BBOX1: variants seen among roughly 807,000 people sequenced by gnomAD.
BBOX1 encodes gamma-butyrobetaine dioxygenase.
Under a neutral mutation model 41.6 loss-of-function variants are expected in BBOX1, and 35 were observed. The ratio of observed to expected loss-of-function variants is 0.84; its 90% confidence interval spans 0.64 to 1.11. BBOX1 has a LOEUF of 1.11. BBOX1 is among the 50% of genes most tolerant of loss of function. The probability of loss-of-function intolerance (pLI) is 0.00; values close to 1 mark genes in which losing one functional copy is unlikely to be tolerated. For missense variants in BBOX1, 458 were observed against 460.6 expected (o/e 0.99, Z 0.05); for synonymous variants, 163 against 154.7 (o/e 1.05, Z -0.40).
chr11:27,126,876 A>G (rs1049736394), intron 8 of BBOX1, among the ~76,000 whole-genome samples: 3 of 152,096 alleles, frequency 2.0e-5, no homozygotes, highest in Admixed American at 6.5e-5. Flanking sequence ...GGGTTTCACC[A>G]TGTTAGCCAG....
At chr11:27,077,152 A>C (rs191756641) in intron 4 of BBOX1, among the ~76,000 whole-genome samples, 46 of 152,070 alleles carry the variant, frequency 3.0e-4, no homozygotes, top group African/African-American at 1.0e-3. Context: ...GCCTCTCTCA[A>C]CCTGTGACTG....
chr11:27,067,641 A>C (rs564636749), intron 4 of BBOX1, among the ~76,000 whole-genome samples: 1 of 69,082 alleles, frequency 1.4e-5, no homozygotes, highest in East Asian at 6.2e-4. Flanking sequence ...GAGACAGGAG[A>C]ATTGCTTGAA....
At chr11:27,049,082 A>AT (rs1055251887) in intron 2 of BBOX1, among the ~76,000 whole-genome samples, 2 of 151,632 alleles carry the variant, frequency 1.3e-5, no homozygotes, top group Non-Finnish European at 2.9e-5. Flanking sequence ...TGAACTCATC[A>AT]TTTTTTATGG....
intron 5 of BBOX1, among the ~76,000 whole-genome samples, chr11:27,108,816 C>A (rs1858953866): frequency 6.6e-6 from 1 of 152,002 alleles, no homozygotes; most frequent in African/African-American, 2.4e-5. Flanking sequence ...GTGAGAAACT[C>A]TTTTTCTCAT....
chr11:27,052,315 C>T (rs1851696253), intron 2 of BBOX1, among the ~76,000 whole-genome samples: 1 of 152,074 alleles, frequency 6.6e-6, no homozygotes, highest in South Asian at 2.1e-4. Context: ...TTTTAGACTA[C>T]ATTTTTACAA....
At chr11:27,045,871 A>T (rs1049917923) in intron 2 of BBOX1, among the ~76,000 whole-genome samples, 11 of 152,308 alleles carry the variant, frequency 7.2e-5, no homozygotes, top group South Asian at 4.1e-4. Context: ...ATAACTATAA[A>T]GTTTCTGCAT....
chr11:27,079,174 A>C (rs1346576761), intron 4 of BBOX1, among the ~76,000 whole-genome samples: 1 of 152,200 alleles, frequency 6.6e-6, no homozygotes, highest in Non-Finnish European at 1.5e-5. Flanking sequence ...AAAGGTGGAC[A>C]ATTGCCATGA....
At chr11:27,093,842 T>C (rs6484265) in intron 5 of BBOX1, among the ~76,000 whole-genome samples, 20,904 of 151,902 alleles carry the variant, frequency 0.14, 4,749 homozygotes, top group African/African-American at 0.47. Context: ...TCTTCTGATA[T>C]GGACACCAGT....
chr11:27,103,833 T>C (rs1370396030), intron 5 of BBOX1, among the ~76,000 whole-genome samples: 1 of 152,166 alleles, frequency 6.6e-6, no homozygotes, highest in Non-Finnish European at 1.5e-5. Context: ...AAAATAATTT[T>C]GAGTTTAAAC....
chr11:27,071,073 C>T (rs1318750335), intron 4 of BBOX1, among the ~76,000 whole-genome samples: 1 of 152,150 alleles, frequency 6.6e-6, no homozygotes, highest in East Asian at 1.9e-4. Context: ...GACAATTATT[C>T]TCTTTAAAGA....
intron 4 of BBOX1, among the ~76,000 whole-genome samples, chr11:27,065,542 C>G (rs1162578643): frequency 6.6e-6 from 1 of 152,128 alleles, no homozygotes; most frequent in Non-Finnish European, 1.5e-5. Context: ...ACTGCAGTGC[C>G]CTGTGCTTTT....
At chr11:27,054,371 G>A (rs1321930255) in intron 2 of BBOX1, among the ~76,000 whole-genome samples, 3 of 152,090 alleles carry the variant, frequency 2.0e-5, no homozygotes, top group Non-Finnish European at 4.4e-5. Context: ...TCTACTTCTC[G>A]CATATAAATT....
At chr11:27,043,418 C>CATGTGCAGAATTTGCAG (rs1482284669) in intron 2 of BBOX1, among the ~76,000 whole-genome samples, 1 of 150,150 alleles carries the variant, frequency 6.7e-6, no homozygotes, top group Non-Finnish European at 1.5e-5. Flanking sequence ...AGAATGTGCA[C>CATGTGCAGAATTTGCAG]GTTTGGGGTA....
intron 5 of BBOX1, among the ~76,000 whole-genome samples, chr11:27,113,734 C>T (rs1452971107): frequency 6.6e-6 from 1 of 151,372 alleles, no homozygotes; most frequent in Non-Finnish European, 1.5e-5. Context: ...GACAAAAATA[C>T]TCTGTACATA....
At chr11:27,064,725 A>G (rs1857229854) in intron 4 of BBOX1, among the ~76,000 whole-genome samples, 1 of 152,106 alleles carries the variant, frequency 6.6e-6, no homozygotes, top group East Asian at 1.9e-4. Context: ...TTTCAAAGGC[A>G]TTCTGGGAAA....
At position 27,044,286 on chromosome 11, in the gene BBOX1, G is replaced by GT. The variant is rs533757338; in HGVS notation, c.-39+2817dup. On this transcript the variant is annotated intron_variant, in intron 2 of 8. Coordinates refer to ENST00000263182, the MANE Select transcript of BBOX1 (RefSeq NM_003986.3). ...CATATCTTTTGCCCATTTTTGATGGGTTTTTTTTTCTTGTAAATTTGTTGA... is the reference window on the plus strand; with the variant it reads ...CATATCTTTTGCCCATTTTTGATGGGTTTTTTTTTTCTTGTAAATTTGTTGA... Among the ~76,000 whole-genome samples the GT allele has an allele frequency of 5.1e-3, 772 of 151,052 alleles. 2 individuals are homozygous for GT. Among genetic ancestry groups the GT allele is most frequent in the Middle Eastern group, 0.01 (3 of 294 alleles).
intron 4 of BBOX1, 74 bp from the exon 5 acceptor site, chr11:27,093,094 C>T (rs1858306941): frequency 2.2e-6 from 3 of 1,376,036 alleles, no homozygotes; most frequent in Non-Finnish European, 3.0e-6. Flanking sequence ...ATGAACTAGC[C>T]CCTTCTCTGA....
chr11:27,082,188 A>C (rs992833275), intron 4 of BBOX1, among the ~76,000 whole-genome samples: 3 of 152,114 alleles, frequency 2.0e-5, no homozygotes, highest in African/African-American at 7.2e-5. Context: ...CAATACTGAG[A>C]ATTACAATTC....
rs572036497 is a variant in BBOX1, at chr11:27,116,998, G to C, written c.639+1441G>C. ...CCACAAATCCCCAGGAGAATCTCTG[G>C]GTGGACATTCTTTCTCTACATTTTT... On this transcript the variant is annotated intron_variant, in intron 6 of 8. Transcript: ENST00000263182. Among the ~76,000 whole-genome samples, 36 of 151,944 alleles carry C rather than the reference G, an allele frequency of 2.4e-4. No homozygotes were observed. In the South Asian group the frequency reaches 7.1e-3, roughly 30 times the overall value.
Sources: allele counts gnomAD v4.1 joint callset (sites outside exome capture counted in the v4.1 genomes callset), GRCh38; gene constraint gnomAD v4.1.1; transcripts MANE v1.5; gene names NCBI Gene and HGNC (gene_info 2026-07-23, HGNC 2026-07-21).